MGAT5: variants seen among roughly 807,000 people sequenced by gnomAD.
MGAT5 encodes the protein alpha-1,6-mannosylglycoprotein 6-beta-N-acetylglucosaminyltransferase.
Under a neutral mutation model 94.3 loss-of-function variants are expected in MGAT5, and 30 were observed. The ratio of observed to expected loss-of-function variants is 0.32; its 90% CI spans 0.24 to 0.43. MGAT5 has a LOEUF of 0.43. Ranked by LOEUF, MGAT5 falls within the 20% of genes least tolerant of loss-of-function variation. MGAT5 has a pLI of 1.00. For missense variants in MGAT5, 691 were observed against 905.5 expected (o/e 0.76, Z 3.04); for synonymous variants, 310 against 322.9 (o/e 0.96, Z 0.43).
intron 6 of MGAT5, among the ~76,000 whole-genome samples, chr2:134,340,197 T>A (rs1688547000): frequency 6.6e-6 from 1 of 152,158 alleles, no homozygotes; most frequent in Non-Finnish European, 1.5e-5. Context: ...TAAATAGTAA[T>A]AAAATTGAGT....
chr2:134,175,782 C>T (rs1688433669), intron 1 of MGAT5, among the ~76,000 whole-genome samples: 1 of 152,142 alleles, frequency 6.6e-6, no homozygotes, highest in Non-Finnish European at 1.5e-5. Flanking sequence ...CATGTGTGTC[C>T]ACCTCCCTGG....
At chr2:134,224,214 C>T (rs1680936771) in intron 1 of MGAT5, among the ~76,000 whole-genome samples, 1 of 152,146 alleles carries the variant, frequency 6.6e-6, no homozygotes, top group Non-Finnish European at 1.5e-5. Flanking sequence ...GTGATAGATA[C>T]AATATGGGTC....
chr2:134,272,570 G>GA (rs1684096737), intron 2 of MGAT5, among the ~76,000 whole-genome samples: 1 of 152,058 alleles, frequency 6.6e-6, no homozygotes, highest in Non-Finnish European at 1.5e-5. Context: ...GGGTGACTCA[G>GA]AAAAAAATTG....
chr2:134,352,115 G>T (rs1679422884), intron 9 of MGAT5, among the ~76,000 whole-genome samples: 1 of 152,140 alleles, frequency 6.6e-6, no homozygotes, highest in South Asian at 2.1e-4. Flanking sequence ...ATGCAGCATG[G>T]TACTACCCCA....
chr2:134,363,170 T>C (rs189865466), intron 10 of MGAT5, among the ~76,000 whole-genome samples: 14 of 152,360 alleles, frequency 9.2e-5, no homozygotes, highest in Admixed American at 7.8e-4. Context: ...GTCTTCAGGA[T>C]CTCACAACAT....
upstream of MGAT5, among the ~76,000 whole-genome samples, chr2:134,252,644 G>A (rs1682686358): frequency 6.6e-6 from 1 of 152,164 alleles, no homozygotes. Flanking sequence ...CACATTTGGA[G>A]AACCACTGGT....
At chr2:134,323,121 G>C (rs755636520) in intron 4 of MGAT5, among the ~76,000 whole-genome samples, 41 of 152,254 alleles carry the variant, frequency 2.7e-4, no homozygotes, top group Non-Finnish European at 4.4e-4. Flanking sequence ...AGAAACTTCT[G>C]TTAGTACTTT....
At chr2:134,302,766 GTGTGTT>G (rs957930071) in intron 2 of MGAT5, among the ~76,000 whole-genome samples, 2 of 111,762 alleles carry the variant, frequency 1.8e-5, no homozygotes, top group African/African-American at 6.1e-5. Context: ...GTGTGTGTGT[GTGTGTT>G]TTCCAGCCTC....
At chr2:134,171,633 A>G (rs951169836) in intron 1 of MGAT5, among the ~76,000 whole-genome samples, 5 of 152,220 alleles carry the variant, frequency 3.3e-5, no homozygotes, top group African/African-American at 7.2e-5. Flanking sequence ...TTGGGCTCCA[A>G]AAAAACGGAG....
intron 12 of MGAT5, among the ~76,000 whole-genome samples, chr2:134,419,444 G>T (rs940472760): frequency 6.5e-5 from 6 of 91,924 alleles, no homozygotes; most frequent in Admixed American, 1.1e-4. Context: ...TTCAGGGTTT[G>T]TGTGTGTGTG....
intron 1 of MGAT5, among the ~76,000 whole-genome samples, chr2:134,237,959 C>T (rs1681755341): frequency 6.6e-6 from 1 of 152,146 alleles, no homozygotes; most frequent in Admixed American, 6.5e-5. Context: ...CCATGTTGGC[C>T]AGGCTGATCT....
At chr2:134,422,670 C>T (rs1465624945) in intron 12 of MGAT5, 133 bp from the exon 13 acceptor site, 1 of 657,280 alleles carries the variant, frequency 1.5e-6, no homozygotes, top group Admixed American at 2.2e-5. Context: ...TGGTTTTGAT[C>T]ATCAAGGGGA....
chr2:134,237,791 CT>C (rs1397868530), intron 1 of MGAT5, among the ~76,000 whole-genome samples: 10 of 148,274 alleles, frequency 6.7e-5, no homozygotes, highest in Admixed American at 3.4e-4. Context: ...TGCTCTGTCA[CT>C]CAGGTTGGAG....
chr2:134,228,578 G>A (rs1681186332), intron 1 of MGAT5, among the ~76,000 whole-genome samples: 1 of 152,132 alleles, frequency 6.6e-6, no homozygotes, highest in Admixed American at 6.5e-5. Context: ...TTCCTTTGCA[G>A]CTGGTACAAT....
intron 14 of MGAT5, among the ~76,000 whole-genome samples, chr2:134,431,807 T>C (rs1209329792): frequency 6.6e-6 from 1 of 152,040 alleles, no homozygotes; most frequent in African/African-American, 2.4e-5. Flanking sequence ...CAGACAGCAA[T>C]CGAGGGCACG....
intron 1 of MGAT5, among the ~76,000 whole-genome samples, chr2:134,228,182 T>C (rs929385253): frequency 7.9e-5 from 12 of 152,060 alleles, no homozygotes; most frequent in Non-Finnish European, 1.5e-4. Flanking sequence ...TGGTGATGAG[T>C]GTGTGACTGT....
intron 11 of MGAT5, 28 bp from the exon 12 acceptor site, chr2:134,412,841 A>G: frequency 1.9e-6 from 3 of 1,613,614 alleles, no homozygotes; most frequent in Non-Finnish European, 2.5e-6. Context: ...TGATGTGTTC[A>G]TACGCTGTGT....
At chr2:134,170,309 A>G (rs192622394) in intron 1 of MGAT5, among the ~76,000 whole-genome samples, 338 of 152,344 alleles carry the variant, frequency 2.2e-3, no homozygotes, top group South Asian at 4.4e-3. Flanking sequence ...AGGCTGTCTC[A>G]GACACATGCT....
intron 2 of MGAT5, among the ~76,000 whole-genome samples, chr2:134,312,453 T>C (rs907515121): frequency 1.3e-5 from 2 of 152,178 alleles, no homozygotes; most frequent in Non-Finnish European, 2.9e-5. Context: ...CTTGGGTCAG[T>C]GACTCCAAGT....
Sources: gnomAD v4.1 joint callset for allele counts (sites outside exome capture counted in the v4.1 genomes callset) on GRCh38, gnomAD v4.1.1 for gene constraint, MANE v1.5 for transcripts, NCBI Gene and HGNC (gene_info 2026-07-23, HGNC 2026-07-21) for gene names.